EYA2: variants seen among roughly 807,000 people sequenced by gnomAD.
EYA2 encodes protein phosphatase EYA2.
Under a neutral mutation model 69.2 loss-of-function variants are expected in EYA2, and 31 were observed. The ratio of observed to expected loss-of-function variants is 0.45; its 90% CI spans 0.34 to 0.60. EYA2 has a LOEUF of 0.60. Ranked by LOEUF, EYA2 falls within the 20% of genes least tolerant of loss-of-function variation. The pLI, the probability that EYA2 is intolerant of heterozygous loss-of-function variation, is 0.02. For missense variants in EYA2, 622 were observed against 701.2 expected (o/e 0.89, Z 1.28); for synonymous variants, 257 against 279.4 (o/e 0.92, Z 0.80).
Position 47,182,628 on chromosome 20 carries a change from T to TCAA in EYA2, c.1436-663_1436-662insCAA, listed in dbSNP as rs779945744. On this transcript the variant is annotated intron_variant, in intron 14 of 15. Transcript: ENST00000327619. ...TGGGCAACAAGAACGAGACTCCGTC[T>TCAA]AAAAAAAAAAAAAAAAGGTTAAGAT... is the stretch of plus-strand genomic sequence containing the variant. 9.3e-4 allele frequency among the ~76,000 whole-genome samples: 78 copies of TCAA among 84,314 alleles called. 5 individuals are homozygous for TCAA. The highest frequency in any genetic ancestry group is 1.8e-3 in the African/African-American group (27 of 15,294). The allele number at this position is 84,314 out of a possible 152,430, so 55.3% of individuals were successfully genotyped here. A position where few individuals can be genotyped will look rare whatever the true frequency, so the allele number is the denominator to read the frequency against.
chr20:47,081,975 G>A (rs1184524478), intron 7 of EYA2, among the ~76,000 whole-genome samples: 2 of 151,614 alleles, frequency 1.3e-5, no homozygotes, highest in Non-Finnish European at 2.9e-5. Flanking sequence ...GAGTAGTTGG[G>A]ATTACAGGCG....
Position 47,188,485 on chromosome 20 carries a change from C to T in EYA2, c.*352C>T. ...TCTTGTCTTCTTTTTAATTTATGGA[C>T]TAGTCTCATTACTCCGGAATTATGC... On this transcript the variant is annotated 3_prime_UTR_variant, in exon 16 of 16. Transcript: ENST00000327619. The T allele has an allele frequency of 3.7e-6, 2 of 535,128 alleles. No individual in the cohort carries two copies. Among genetic ancestry groups the T allele is most frequent in the Non-Finnish European group, 6.6e-6 (2 of 303,334 alleles). 33.1% of individuals were successfully genotyped at this position (535,128 alleles called of 1,614,324 possible).
chr20:47,127,083 C>T (rs192828269), intron 9 of EYA2, among the ~76,000 whole-genome samples: 71 of 150,896 alleles, frequency 4.7e-4, no homozygotes, highest in Non-Finnish European at 6.3e-4. Flanking sequence ...CACCCCACCC[C>T]CTCAAAATTA....
intron 2 of EYA2, among the ~76,000 whole-genome samples, chr20:46,999,599 G>A (rs1354628131): frequency 1.3e-5 from 2 of 152,200 alleles, no homozygotes; most frequent in East Asian, 3.8e-4. Flanking sequence ...TGCTGCCATC[G>A]TATATCATAA....
chr20:46,944,940 C>CA (rs1173859604), intron 1 of EYA2, among the ~76,000 whole-genome samples: 18 of 152,012 alleles, frequency 1.2e-4, no homozygotes, highest in African/African-American at 3.9e-4. Context: ...CCCGTCTCTA[C>CA]AAAAAATACA....
At chr20:47,110,903 C>T (rs1600716482) in intron 9 of EYA2, among the ~76,000 whole-genome samples, 2 of 152,370 alleles carry the variant, frequency 1.3e-5, no homozygotes, top group East Asian at 3.9e-4. Flanking sequence ...CCTGGCCTCA[C>T]CTAGAGCCTG....
intron 9 of EYA2, among the ~76,000 whole-genome samples, chr20:47,142,000 T>C (rs927728481): frequency 6.6e-6 from 1 of 152,190 alleles, no homozygotes; most frequent in African/African-American, 2.4e-5. Flanking sequence ...GCAAACGTTC[T>C]CTTCATGTCC....
chr20:47,084,834 C>CTTTT (rs34290555), intron 7 of EYA2, among the ~76,000 whole-genome samples: 5 of 112,450 alleles, frequency 4.4e-5, no homozygotes, highest in African/African-American at 1.2e-4. Flanking sequence ...CTGTTTCTTT[C>CTTTT]TTTTTTTTTT....
At chr20:47,172,469 T>C (rs6124958) in intron 11 of EYA2, among the ~76,000 whole-genome samples, 88,242 of 152,060 alleles carry the variant, frequency 0.58, 27,639 homozygotes, top group African/African-American at 0.84. Context: ...AAAAAATAAA[T>C]GAAAGGCAAA....
intron 1 of EYA2, among the ~76,000 whole-genome samples, chr20:46,945,052 C>G (rs1302021170): frequency 1.3e-5 from 2 of 151,358 alleles, no homozygotes; most frequent in African/African-American, 2.4e-5. Context: ...TGCAGTGAGC[C>G]TAGATCAAGC....
chr20:46,978,656 A>G (rs752157360), intron 1 of EYA2: 7 of 534,648 alleles, frequency 1.3e-5, no homozygotes, highest in African/African-American at 7.7e-5. Context: ...GCAGGTTCAG[A>G]TTTATGCTGT....
chr20:46,993,220 G>A (rs1220233759), intron 2 of EYA2, among the ~76,000 whole-genome samples: 1 of 152,216 alleles, frequency 6.6e-6, no homozygotes, highest in East Asian at 1.9e-4. Flanking sequence ...GAAATGAGTT[G>A]AAACAGGGAG....
intron 9 of EYA2, among the ~76,000 whole-genome samples, chr20:47,131,498 C>G (rs1253462637): frequency 2.6e-5 from 4 of 152,226 alleles, no homozygotes; most frequent in Non-Finnish European, 4.4e-5. Flanking sequence ...ACGTCCACAT[C>G]CTAGTCCCCA....
At chr20:47,137,919 C>A (rs146744623) in intron 9 of EYA2, among the ~76,000 whole-genome samples, 1 of 148,450 alleles carries the variant, frequency 6.7e-6, no homozygotes, top group Non-Finnish European at 1.5e-5. Context: ...TATTCTCACT[C>A]ATAGGTGGGA....
chr20:46,955,894 C>T (rs1045046391), intron 1 of EYA2, among the ~76,000 whole-genome samples: 2 of 152,182 alleles, frequency 1.3e-5, no homozygotes, highest in Non-Finnish European at 2.9e-5. Context: ...GCTTTGCAGG[C>T]CATGCAATCT....
At chr20:46,898,344 T>C (rs1232175013) in intron 1 of EYA2, among the ~76,000 whole-genome samples, 1 of 151,234 alleles carries the variant, frequency 6.6e-6, no homozygotes, top group Non-Finnish European at 1.5e-5. Context: ...AAGGAATCTC[T>C]TTACAAAGAA....
chr20:46,976,786 G>A (rs1041871563), intron 1 of EYA2, among the ~76,000 whole-genome samples: 1 of 149,368 alleles, frequency 6.7e-6, no homozygotes, highest in Non-Finnish European at 1.5e-5. Context: ...TGGACTCACC[G>A]CTCTGAGGAG....
At chr20:47,110,002 C>G (rs2032704138) in intron 9 of EYA2, among the ~76,000 whole-genome samples, 1 of 152,196 alleles carries the variant, frequency 6.6e-6, no homozygotes, top group Non-Finnish European at 1.5e-5. Flanking sequence ...AGGGAGGACA[C>G]TCAGGCTTCC....
intron 5 of EYA2, among the ~76,000 whole-genome samples, chr20:47,070,235 A>G (rs902594982): frequency 4.6e-5 from 7 of 152,238 alleles, no homozygotes; most frequent in Non-Finnish European, 1.0e-4. Context: ...GTTTGATGGG[A>G]AAAAGATTTG....
Sources: allele counts gnomAD v4.1 joint callset (sites outside exome capture counted in the v4.1 genomes callset), GRCh38; gene constraint gnomAD v4.1.1; transcripts MANE v1.5; gene names NCBI Gene and HGNC (gene_info 2026-07-23, HGNC 2026-07-21).